BBOF1: variants seen among roughly 807,000 people sequenced by gnomAD.
BBOF1 encodes the protein basal body orientation factor 1.
BBOF1 carries 62 observed loss-of-function variants against 68.0 expected under a neutral mutation model. The observed-to-expected ratio is 0.91, with a 90% CI of 0.74 to 1.13. The LOEUF is 1.13. Among genes scored for constraint, BBOF1 ranks in the 50% most tolerant of loss-of-function variants. The pLI is 0.00. For missense variants in BBOF1, 534 were observed against 600.1 expected (o/e 0.89, Z 1.15); for synonymous variants, 208 against 198.8 (o/e 1.05, Z -0.39).
At chr14:74,019,655 C>T (rs2140918360) in intron 1 of BBOF1, 121 bp downstream of exon 1, 1 of 1,477,698 alleles carries the variant, frequency 6.8e-7, no homozygotes, top group East Asian at 2.6e-5. Flanking sequence ...GCTCTCCCGG[C>T]TTGTGAGGAT....
chr14:74,072,016 T>A, intron 9 of BBOF1: 1 of 1,601,678 alleles, frequency 6.2e-7, no homozygotes, highest in Non-Finnish European at 8.6e-7. Flanking sequence ...GCAAGAATGT[T>A]CCTCTTTTAA....
chr14:74,068,816 C>G, downstream of BBOF1: 1 of 1,609,358 alleles, frequency 6.2e-7, no homozygotes, highest in Non-Finnish European at 8.5e-7. Flanking sequence ...AGGTAATTTT[C>G]ATATATAGAA....
chr14:74,029,262 T>C lies in BBOF1; in HGVS notation c.351+13T>C. 1.3e-6 allele frequency: 2 copies of C among 1,503,736 alleles called. No homozygotes were observed. The highest frequency in any genetic ancestry group is 2.4e-5 in the East Asian group (1 of 41,666). 93.1% of individuals were successfully genotyped at this position (1,503,736 alleles called of 1,614,324 possible). A position where few individuals can be genotyped will look rare whatever the true frequency, so the allele number is the denominator to read the frequency against. On this transcript the variant is annotated intron_variant, in intron 3 of 11. Transcript: ENST00000394009. ...GAAGGATAAATTGGTGAGTTATCTA[T>C]GTGTACTAATACTCCACTTACTGGA...
intron 1 of BBOF1, among the ~76,000 whole-genome samples, chr14:74,022,608 C>T (rs1043548418): frequency 4.6e-5 from 7 of 152,110 alleles, no homozygotes; most frequent in African/African-American, 1.7e-4. Flanking sequence ...CTGTCTTTTC[C>T]CTTTGTTTTA....
chr14:74,056,844 A>C, intron 9 of BBOF1, 62 bp from the exon 10 acceptor site: 1 of 1,103,898 alleles, frequency 9.1e-7, no homozygotes, highest in Non-Finnish European at 1.3e-6. Flanking sequence ...CAAAAAGAAA[A>C]TATGAAGGCA....
At position 74,056,708 on chromosome 14, in the gene BBOF1, G is replaced by T. The variant is rs1411024688; in HGVS notation, c.1389-198G>T. The T allele has an allele frequency of 5.9e-6, 3 of 511,412 alleles. No individual in the cohort carries two copies. The African/African-American group carries it at 5.9e-5, about 10-fold the overall frequency. The allele number at this position is 511,412 out of a possible 1,614,324, so 31.7% of individuals were successfully genotyped here. A position where few individuals can be genotyped will look rare whatever the true frequency, so the allele number is the denominator to read the frequency against. The stretch of plus-strand genomic sequence containing the variant: ...CAAGGGATAAATACTTGAAGGGATG[G>T]ATACTTCATTCTCTATGATGTGATT... On this transcript the variant is annotated intron_variant, in intron 9 of 11. Transcript: ENST00000394009.
intron 11 of BBOF1, among the ~76,000 whole-genome samples, chr14:74,062,049 G>A (rs62005114): frequency 1.1e-5 from 1 of 88,276 alleles, no homozygotes; most frequent in African/African-American, 5.8e-5. Context: ...CGTCTCTACT[G>A]GGAAAAAAAA....
chr14:74,040,541 G>T (rs201594238), intron 4 of BBOF1, 24 bp from the exon 5 acceptor site: 3 of 1,452,254 alleles, frequency 2.1e-6, no homozygotes, highest in Admixed American at 2.4e-5. Context: ...GATCATTTTT[G>T]TTTGTTTGTT....
At chr14:74,077,707 C>G (rs1475128664) in intron 9 of BBOF1, among the ~76,000 whole-genome samples, 1 of 152,160 alleles carries the variant, frequency 6.6e-6, no homozygotes, top group African/African-American at 2.4e-5. Flanking sequence ...CACTAGGTCC[C>G]AACACTATCA....
At chr14:74,038,303 C>T (rs935892373) in intron 4 of BBOF1, among the ~76,000 whole-genome samples, 3 of 152,168 alleles carry the variant, frequency 2.0e-5, no homozygotes, top group Non-Finnish European at 4.4e-5. Context: ...ATTGAATCAA[C>T]ATAATTAACT....
chr14:74,039,742 C>T (rs12893367), intron 4 of BBOF1, among the ~76,000 whole-genome samples: 84,248 of 151,718 alleles, frequency 0.56, 24,479 homozygotes, highest in East Asian at 0.85. Context: ...CCAACCTCTA[C>T]CTTTAGTTTT....
At chr14:74,061,962 C>T (rs1420337719) in intron 11 of BBOF1, among the ~76,000 whole-genome samples, 3 of 148,122 alleles carry the variant, frequency 2.0e-5, no homozygotes, top group Non-Finnish European at 4.4e-5. Context: ...GTAATATCAG[C>T]ACTTTGGGAG....
intron 10 of BBOF1, 76 bp from the exon 11 acceptor site, chr14:74,057,068 G>T: frequency 1.9e-6 from 3 of 1,594,198 alleles, no homozygotes; most frequent in Non-Finnish European, 1.7e-6. Context: ...AAAGTAATAT[G>T]ACAAGTCTGT....
chr14:74,081,763 A>G (rs1056899371), intron 12 of BBOF1, among the ~76,000 whole-genome samples: 2 of 152,242 alleles, frequency 1.3e-5, no homozygotes, highest in African/African-American at 4.8e-5. Flanking sequence ...AGTACAATAA[A>G]GGAGCTTTCA....
In BBOF1 at chr14:74,074,288, AT is replaced by A. The variant is rs35478388; in HGVS notation, n.1380-3891del. On this transcript the variant is annotated intron_variant and non_coding_transcript_variant, in intron 9 of 12. Coordinates refer to the BBOF1 transcript ENST00000492026. ...CACTGCGCCCGGCCCCTTTCACTAA[AT>A]TTTTTTTTTTTTTTTTGAAACGGAG... Among the ~76,000 whole-genome samples the A allele has an allele frequency of 6.3e-3, 820 of 130,032 alleles. 4 individuals are homozygous for A. Among genetic ancestry groups the A allele is most frequent in the African/African-American group, 0.014 (480 of 34,528 alleles). 85.3% of individuals were successfully genotyped at this position (130,032 alleles called of 152,430 possible).
chr14:74,071,113 T>C (rs2060543028), intron 9 of BBOF1: 1 of 1,326,038 alleles, frequency 7.5e-7, no homozygotes, highest in African/African-American at 1.4e-5. Context: ...GTAGGTTCCT[T>C]ATCCTAAAAC....
At chr14:74,082,498 C>T (rs2268066) in intron 12 of BBOF1, among the ~76,000 whole-genome samples, 24,912 of 145,124 alleles carry the variant, frequency 0.17, 2,563 homozygotes, top group East Asian at 0.59. Flanking sequence ...CTTCCGGGTT[C>T]AAGCGATTCT....
chr14:74,082,409 T>TG (rs1257686607), intron 12 of BBOF1, among the ~76,000 whole-genome samples: 1 of 142,382 alleles, frequency 7.0e-6, no homozygotes, highest in East Asian at 2.1e-4. Flanking sequence ...TTTTTTTTTT[T>TG]TTTTTTTTTT....
intron 9 of BBOF1, among the ~76,000 whole-genome samples, chr14:74,073,656 C>A (rs991331074): frequency 3.3e-5 from 5 of 152,056 alleles, no homozygotes; most frequent in Admixed American, 2.6e-4. Flanking sequence ...ATGGCTCACG[C>A]CTGTAATCCC....
Sources: allele counts gnomAD v4.1 joint callset (sites outside exome capture counted in the v4.1 genomes callset), GRCh38; gene constraint gnomAD v4.1.1; transcripts MANE v1.5; gene names NCBI Gene and HGNC (gene_info 2026-07-23, HGNC 2026-07-21).